The following UMODL1 variants were observed in gnomAD, a reference collection of about 807,000 sequenced individuals.
UMODL1 encodes the protein uromodulin like 1, also known as uromodulin-like 1.
Under a neutral mutation model 136.3 loss-of-function variants are expected in UMODL1, and 128 were observed. The ratio of observed to expected loss-of-function variants is 0.94; its 90% CI spans 0.81 to 1.09. The LOEUF (loss-of-function observed/expected upper bound fraction) is 1.09, where lower values mean the gene tolerates loss of function less well. UMODL1 is among the 50% of genes least tolerant of loss of function. UMODL1 has a pLI of 0.00. For missense variants in UMODL1, 1,766 were observed against 1,725.6 expected, an observed-to-expected ratio of 1.02 and a Z score of -0.41; for synonymous variants, 721 against 720.0, an observed-to-expected ratio of 1.00 and a Z score of -0.02.
At chr21:42,095,089 G>GGTGTTTTTTTTTTTTTT (rs1555922532) in intron 6 of UMODL1, among the ~76,000 whole-genome samples, 1 of 61,186 alleles carries the variant, frequency 1.6e-5, no homozygotes, top group Non-Finnish European at 2.9e-5. Context: ...TTCTTCTGCT[G>GGTGTTTTTTTTTTTTTT]TTTTTTTTTT....
At chr21:42,094,203 C>T (rs751144664) in intron 6 of UMODL1, among the ~76,000 whole-genome samples, 9 of 152,204 alleles carry the variant, frequency 5.9e-5, no homozygotes, top group African/African-American at 1.2e-4. Flanking sequence ...GGGGAGGCTG[C>T]GCGGCCCCAG....
intron 6 of UMODL1, among the ~76,000 whole-genome samples, chr21:42,096,837 T>G (rs966128628): frequency 7.9e-5 from 12 of 152,362 alleles, no homozygotes; most frequent in African/African-American, 2.9e-4. Flanking sequence ...GTGTCCTGAC[T>G]GTACAAAAAT....
At chr21:42,133,307 C>T (rs1057163762) in intron 21 of UMODL1, among the ~76,000 whole-genome samples, 4 of 152,348 alleles carry the variant, frequency 2.6e-5, no homozygotes, top group Admixed American at 6.5e-5. Context: ...CCATCACCTC[C>T]GTTTCAGGGA....
rs2066477837 is a variant in UMODL1 at position 42,090,403 on chromosome 21, C to T, written c.896C>T (p.Ala299Val). The T allele has an allele frequency of 6.2e-7, 1 of 1,613,980 alleles. No homozygotes were observed. Among genetic ancestry groups the T allele is most frequent in the African/African-American group, 1.3e-5 (1 of 75,016 alleles). ...YWCVCHQEAP[A>V]TSPRKLNLEW... ...TGCGTCTGTCACCAGGAAGCTCCAG[C>T]CACGTCTCCACGGAAGCTGAACCTG... Residue 299 changes from alanine to valine, a missense_variant, in exon 6 of 23, where the codon GCC (alanine) becomes GTC (valine). Physicochemically the swap from Ala to Val is moderately conservative, Grantham distance 64. Coordinates refer to ENST00000408910, the MANE Select transcript of UMODL1 (RefSeq NM_001004416.3).
At chr21:42,125,960 A>G (rs2067047848) in intron 17 of UMODL1, among the ~76,000 whole-genome samples, 2 of 152,324 alleles carry the variant, frequency 1.3e-5, no homozygotes, top group African/African-American at 4.8e-5. Context: ...CTTGATTATT[A>G]AATGCAGCAG....
intron 13 of UMODL1, among the ~76,000 whole-genome samples, chr21:42,115,373 G>A (rs1478435661): frequency 1.3e-5 from 2 of 152,248 alleles, no homozygotes; most frequent in Non-Finnish European, 2.9e-5. Context: ...GGGCTGCTGG[G>A]GGAGGAAGAA....
intron 4 of UMODL1, among the ~76,000 whole-genome samples, chr21:42,087,988 T>A (rs1029641716): frequency 1.3e-5 from 2 of 152,234 alleles, no homozygotes; most frequent in African/African-American, 4.8e-5. Context: ...ACTAATTATA[T>A]CTGCAGTAAC....
Position 42,126,359 on chromosome 21 carries a change from C to T in UMODL1, c.3162C>T (p.Thr1054=), listed in dbSNP as rs375014219. The T allele has an allele frequency of 1.8e-4, 296 of 1,614,030 alleles. No individual in the cohort carries two copies. The highest frequency in any genetic ancestry group is 3.3e-4 in the Middle Eastern group (2 of 6,084). ...TTTGTGCTCAGAACATGACGAACAC[C>T]GTGGTGAGGACCACGCTGAGGAACG... ...GTLMQSNMTN[T]VVRTTLRNDL... is the part of the protein sequence containing the mutation. The change falls in exon 18 of 23, where the codon ACC becomes ACT. Residue 1054 remains threonine (T), a synonymous_variant. Coordinates refer to ENST00000408910, the MANE Select transcript of UMODL1 (RefSeq NM_001004416.3).
At chr21:42,105,408 C>T (rs545012829) in intron 9 of UMODL1, among the ~76,000 whole-genome samples, 4 of 152,334 alleles carry the variant, frequency 2.6e-5, no homozygotes, top group African/African-American at 9.6e-5. Context: ...CAGGCGATTC[C>T]AGATCCCTGC....
In UMODL1 at chr21:42,122,641, ACGTGTGTGTG is replaced by A. The variant is rs1433650992; in HGVS notation, c.2828-188_2828-179del. On this transcript the variant is annotated intron_variant, in intron 16 of 22. Coordinates refer to ENST00000408910, the MANE Select transcript of UMODL1 (RefSeq NM_001004416.3). The surrounding 1 kb of genome is among the most constrained non-coding windows in gnomAD (Gnocchi z 4.3). The stretch of plus-strand genomic sequence containing the variant: ...CATGTGTGTGCATGCACGTGTGTGT[ACGTGTGTGTG>A]CATATGTGTGCGTGTGTGTGTGTGT... 2.0e-5 allele frequency among the ~76,000 whole-genome samples: 3 copies of A among 147,434 alleles called. No homozygotes were observed. The highest frequency in any genetic ancestry group is 6.7e-5 in the Admixed American group (1 of 14,868).
Position 42,076,138 on chromosome 21 carries a change from C to T in UMODL1, c.210C>T (p.Cys70=). 6.2e-7 allele frequency: 1 copy of T among 1,614,236 alleles called. No individual in the cohort carries two copies. The highest frequency in any genetic ancestry group is 8.5e-7 in the Non-Finnish European group (1 of 1,180,040). The change falls in exon 2 of 23, where the codon TGC becomes TGT. Residue 70 remains cysteine, a synonymous_variant. Coordinates refer to ENST00000408910, the MANE Select transcript of UMODL1 (RefSeq NM_001004416.3). Reference sequence around the variant, plus strand: ...GCGGCTGGATCCCCTGGAGGCGGTGCCCTAAGATGGTTTACCGGACACAGT... The same window carrying T: ...GCGGCTGGATCCCCTGGAGGCGGTGTCCTAAGATGGTTTACCGGACACAGT... ...SCGGWIPWRR[C]PKMVYRTQYL... is the part of the protein sequence containing the mutation.
In UMODL1 at chr21:42,113,835, T is replaced by C; in HGVS notation, c.2362+5T>C. The stretch of plus-strand genomic sequence containing the variant: ...CTCATCTGAAAGTGAGGACAGGTAA[T>C]GGGCTTCCATTTGTTTTTAAAGAGA... On this transcript the variant is annotated splice_donor_5th_base_variant and intron_variant, in intron 13 of 22. Coordinates refer to ENST00000408910, the MANE Select transcript of UMODL1 (RefSeq NM_001004416.3). The C allele has an allele frequency of 1.2e-6, 2 of 1,606,586 alleles. No homozygotes were observed. The highest frequency in any genetic ancestry group is 1.7e-6 in the Non-Finnish European group (2 of 1,175,476).
rs929451281 is a variant in UMODL1, at chr21:42,122,663, G to A, written c.2828-168G>A. Among the ~76,000 whole-genome samples the A allele has an allele frequency of 1.7e-5, 1 of 60,458 alleles. No individual in the cohort carries two copies. Among genetic ancestry groups the A allele is most frequent in the African/African-American group, 9.8e-5 (1 of 10,202 alleles). 39.7% of individuals were successfully genotyped at this position (60,458 alleles called of 152,430 possible). A position where few individuals can be genotyped will look rare whatever the true frequency, so the allele number is the denominator to read the frequency against. On this transcript the variant is annotated intron_variant, in intron 16 of 22. Transcript: ENST00000408910. This position sits in a 1 kb window ranked among gnomAD's most constrained non-coding sequence, Gnocchi z 4.3. ...TGTACGTGTGTGTGCATATGTGTGC[G>A]TGTGTGTGTGTGTGTGTGCACGTGT...
At chr21:42,119,351 C>G in intron 15 of UMODL1, 27 bp downstream of exon 15, 1 of 1,604,006 alleles carries the variant, frequency 6.2e-7, no homozygotes, top group Non-Finnish European at 8.5e-7. Flanking sequence ...TGGAGCCTCT[C>G]CCGTGTTCTG....
At chr21:42,092,409 C>T (rs1238644692) in intron 6 of UMODL1, among the ~76,000 whole-genome samples, 2 of 150,030 alleles carry the variant, frequency 1.3e-5, no homozygotes, top group African/African-American at 4.9e-5. Flanking sequence ...TTTTTTAAAC[C>T]TTATTTAAAT....
Position 42,088,300 on chromosome 21 carries a change from A to C in UMODL1, c.610A>C (p.Ser204Arg). The C allele has an allele frequency of 6.2e-7, 1 of 1,612,474 alleles. No individual in the cohort carries two copies. The highest frequency in any genetic ancestry group is 8.5e-7 in the Non-Finnish European group (1 of 1,179,026). Residue 204 changes from serine (S) to arginine (R), a missense_variant, in exon 5 of 23, where the codon AGC becomes CGC. By Grantham distance (110) the Ser-to-Arg change is moderately radical. Coordinates refer to ENST00000408910, the MANE Select transcript of UMODL1 (RefSeq NM_001004416.3). ...HMRLLHSLVT[S>R]ALQPMASTVH... is the part of the protein sequence containing the mutation. ...TCTGATTCTGCCTTCACAGGTCACC[A>C]GCGCCCTGCAACCAATGGCCTCCAC...
At chr21:42,098,882 C>T (rs369106060) in intron 6 of UMODL1, 44 bp from the exon 7 acceptor site, 13 of 1,602,344 alleles carry the variant, frequency 8.1e-6, no homozygotes, top group African/African-American at 1.3e-5. Context: ...AGAAAGCCGC[C>T]CTCACTGACC....
At chr21:42,137,356 C>T (rs1484774275) in intron 21 of UMODL1, 83 bp from the exon 22 acceptor site, 17 of 1,528,346 alleles carry the variant, frequency 1.1e-5, no homozygotes, top group Non-Finnish European at 1.5e-5. Context: ...GATCCATCAG[C>T]CCCGGATCCG....
rs995182359 is a variant in UMODL1 at position 42,118,984 on chromosome 21, T to A, written c.2476-127T>A. On this transcript the variant is annotated intron_variant, in intron 14 of 22. Transcript: ENST00000408910. ...ACAGGAAAGGGGCCCAGAACCAACC[T>A]GTGGCTTTTACTTTGTGCCACGGGC... 8.9e-6 allele frequency: 8 copies of A among 898,274 alleles called. No individual in the cohort carries two copies. The African/African-American group carries it at 1.2e-4, about 13-fold the overall frequency. 55.6% of individuals were successfully genotyped at this position (898,274 alleles called of 1,614,324 possible).
Sources: gnomAD v4.1 joint callset for allele counts (sites outside exome capture counted in the v4.1 genomes callset) on GRCh38, gnomAD v4.1.1 for gene constraint, Gnocchi (gnomAD v3.1) non-coding constraint, MANE v1.5 for transcripts, NCBI Gene and HGNC (gene_info 2026-07-23, HGNC 2026-07-21) for gene names.